The following PTH2R variants were observed in gnomAD, a reference collection of about 807,000 sequenced individuals.
PTH2R encodes parathyroid hormone 2 receptor, also known as PTH2 receptor.
In PTH2R, 59 loss-of-function variants were observed where a neutral mutation model predicts 60.3. The ratio of observed to expected loss-of-function variants is 0.98; its 90% CI spans 0.79 to 1.22. PTH2R has a LOEUF of 1.22. Among genes scored for constraint, PTH2R ranks in the 50% most tolerant of loss-of-function variants. The probability of loss-of-function intolerance (pLI) is 0.00; values close to 1 mark genes in which losing one functional copy is unlikely to be tolerated. For synonymous variants in PTH2R, 256 were observed against 243.8 expected, an observed-to-expected ratio of 1.05 and a Z score of -0.47; for missense variants, 749 against 682.6, an observed-to-expected ratio of 1.10 and a Z score of -1.08.
At chr2:208,362,664 C>A (rs535774197) in intron 1 of PTH2R, among the ~76,000 whole-genome samples, 1 of 152,312 alleles carries the variant, frequency 6.6e-6, no homozygotes, top group African/African-American at 2.4e-5. Context: ...TGAGACCCTG[C>A]TCTGAGTTCT....
upstream of PTH2R, chr2:208,406,787 A>C: frequency 2.9e-6 from 1 of 343,030 alleles, no homozygotes; most frequent in Non-Finnish European, 5.2e-6. Context: ...CTGCGAGTCA[A>C]GTCCAGGACT....
chr2:208,478,763 C>T (rs866241262), intron 9 of PTH2R, among the ~76,000 whole-genome samples: 11 of 152,220 alleles, frequency 7.2e-5, no homozygotes, highest in Middle Eastern at 6.8e-3. Context: ...TAAGGGTGTA[C>T]AGTGTGGATC....
intron 1 of PTH2R, among the ~76,000 whole-genome samples, chr2:208,389,816 G>C (rs964950238): frequency 6.6e-6 from 1 of 151,932 alleles, no homozygotes; most frequent in Non-Finnish European, 1.5e-5. Context: ...CGGGGGTGGG[G>C]GGGTTGTTTG....
chr2:208,468,620 T>C (rs1702809548), intron 9 of PTH2R, among the ~76,000 whole-genome samples: 1 of 152,198 alleles, frequency 6.6e-6, no homozygotes, highest in Non-Finnish European at 1.5e-5. Context: ...ACTGTACTTT[T>C]AGAAGGTTGG....
chr2:208,484,833 C>T (rs1703236087), intron 10 of PTH2R, among the ~76,000 whole-genome samples: 1 of 152,132 alleles, frequency 6.6e-6, no homozygotes, highest in South Asian at 2.1e-4. Context: ...GAGCCTCTAT[C>T]CTCTCTTGGC....
chr2:208,379,691 C>T (rs1022329675), intron 1 of PTH2R, among the ~76,000 whole-genome samples: 4 of 152,034 alleles, frequency 2.6e-5, no homozygotes, highest in Admixed American at 6.5e-5. Flanking sequence ...GAAACCCCAT[C>T]TCTACTAAAA....
chr2:208,472,525 A>G (rs1702906089), intron 9 of PTH2R, among the ~76,000 whole-genome samples: 1 of 152,118 alleles, frequency 6.6e-6, no homozygotes, highest in African/African-American at 2.4e-5. Flanking sequence ...ATGAGATCTG[A>G]TGATTATATA....
At chr2:208,377,501 G>GA (rs1574819387) in intron 1 of PTH2R, among the ~76,000 whole-genome samples, 2 of 147,696 alleles carry the variant, frequency 1.4e-5, no homozygotes, top group East Asian at 2.1e-4. Flanking sequence ...GGTGGAGGCG[G>GA]GCCCCCACCT....
At chr2:208,468,298 C>T (rs1474424385) in intron 9 of PTH2R, among the ~76,000 whole-genome samples, 1 of 152,172 alleles carries the variant, frequency 6.6e-6, no homozygotes, top group South Asian at 2.1e-4. Flanking sequence ...ATAGTTCTTA[C>T]AATATACTGA....
intron 9 of PTH2R, among the ~76,000 whole-genome samples, chr2:208,474,876 CA>C (rs1445660982): frequency 1.3e-5 from 2 of 152,278 alleles, no homozygotes; most frequent in East Asian, 1.9e-4. Flanking sequence ...TTGATTCTGA[CA>C]TCTGTATGAG....
chr2:208,459,417 T>TC (rs1158777748), intron 8 of PTH2R, among the ~76,000 whole-genome samples: 1 of 152,188 alleles, frequency 6.6e-6, no homozygotes, highest in African/African-American at 2.4e-5. Context: ...TTTGCGTTCA[T>TC]TTTCTATTGC....
intron 5 of PTH2R, 110 bp from the exon 6 acceptor site, chr2:208,443,238 A>G: frequency 1.1e-6 from 1 of 902,022 alleles, no homozygotes; most frequent in Non-Finnish European, 1.6e-6. Flanking sequence ...GTCTCGAACC[A>G]GTCCCTGCTG....
Position 208,385,286 on chromosome 2 carries a change from G to T in PTH2R, c.-259+25049G>T, listed in dbSNP as rs906312850. Among the ~76,000 whole-genome samples, 5 of 152,280 alleles carry T rather than the reference G, an allele frequency of 3.3e-5. No homozygotes were observed. The South Asian group carries it at 6.2e-4, about 19-fold the overall frequency. ...CACGAACAAGTTATTTAAAAAGTGA[G>T]CAGTAAGTGTGGTCAGTAAACACAT... On this transcript the variant is annotated intron_variant, in intron 1 of 12. Coordinates refer to the PTH2R transcript ENST00000617735.
intron 1 of PTH2R, among the ~76,000 whole-genome samples, chr2:208,384,967 T>C (rs2125878617): frequency 6.6e-6 from 1 of 152,314 alleles, no homozygotes; most frequent in African/African-American, 2.4e-5. Context: ...TGCTTAGAAT[T>C]AGAATAAAAA....
At chr2:208,433,825 T>A (rs1022885799) in intron 2 of PTH2R, among the ~76,000 whole-genome samples, 4 of 152,222 alleles carry the variant, frequency 2.6e-5, no homozygotes. Context: ...TCTGTGTAAA[T>A]GTCATGGTTT....
Position 208,422,054 on chromosome 2 carries a change from T to C in PTH2R, c.76-6147T>C, listed in dbSNP as rs1701767026. On this transcript the variant is annotated intron_variant, in intron 1 of 12. Coordinates refer to ENST00000272847, the MANE Select transcript of PTH2R (RefSeq NM_005048.4). Reference sequence around the variant, plus strand: ...CAAACTGAAGATCCAAGAAAGCTAGTGGTATAATTCAGTCCAAGTCTGAAG... The same window carrying C: ...CAAACTGAAGATCCAAGAAAGCTAGCGGTATAATTCAGTCCAAGTCTGAAG... Among the ~76,000 whole-genome samples the C allele has an allele frequency of 5.3e-5, 8 of 152,198 alleles. No individual in the cohort carries two copies. The South Asian group carries it at 1.7e-3, about 32-fold the overall frequency.
chr2:208,369,916 C>T (rs772876562), intron 1 of PTH2R, among the ~76,000 whole-genome samples: 18 of 151,990 alleles, frequency 1.2e-4, no homozygotes, highest in Non-Finnish European at 2.2e-4. Context: ...TGGCAATGTA[C>T]GATGTAGAAA....
upstream of PTH2R, chr2:208,406,782 A>G (rs1701419237): frequency 2.9e-6 from 1 of 339,774 alleles, no homozygotes; most frequent in Admixed American, 4.8e-5. Flanking sequence ...CGGGGCTGCG[A>G]GTCAAGTCCA....
At chr2:208,371,049 T>G (rs982416813) in intron 1 of PTH2R, among the ~76,000 whole-genome samples, 1 of 151,904 alleles carries the variant, frequency 6.6e-6, no homozygotes, top group Admixed American at 6.6e-5. Context: ...GAGCCAGAAC[T>G]CACTCATCAC....
Sources: allele counts gnomAD v4.1 joint callset (sites outside exome capture counted in the v4.1 genomes callset), GRCh38; gene constraint gnomAD v4.1.1; transcripts MANE v1.5; gene names NCBI Gene and HGNC (gene_info 2026-07-23, HGNC 2026-07-21).